Variants in E2F3 observed in about 807,000 individuals in gnomAD.
E2F3 encodes the protein E2F transcription factor 3.
Under a neutral mutation model 44.4 loss-of-function variants are expected in E2F3, and 11 were observed. That is an observed-to-expected ratio of 0.25 (90% CI 0.16 to 0.41). The LOEUF (loss-of-function observed/expected upper bound fraction) is 0.41, where lower values mean the gene tolerates loss of function less well. Among genes scored for constraint, E2F3 ranks in the 10% least tolerant of loss-of-function variants. The pLI is 1.00. For synonymous variants in E2F3, 249 were observed against 253.0 expected (o/e 0.98, Z 0.15); for missense variants, 487 against 583.6 (o/e 0.83, Z 1.70).
chr6:20,445,990 A>G (rs1156297525), intron 1 of E2F3, among the ~76,000 whole-genome samples: 1 of 152,168 alleles, frequency 6.6e-6, no homozygotes, highest in Non-Finnish European at 1.5e-5. Flanking sequence ...AGCCAGAGTC[A>G]CTCAGACTGG....
chr6:20,490,540 A>G lies in E2F3; in HGVS notation c.*110A>G. On this transcript the variant is annotated 3_prime_UTR_variant, in exon 7 of 7. Coordinates refer to ENST00000346618, the MANE Select transcript of E2F3 (RefSeq NM_001949.5). This position sits in a 1 kb window ranked among gnomAD's most constrained non-coding sequence, Gnocchi z 4.3. The stretch of plus-strand genomic sequence containing the variant: ...TACCTTCTTCCTCCAAGAGAGTATC[A>G]TGAAGTAAACTACAAACTTCAGAAG... 1 of 1,138,912 alleles carries G rather than the reference A, an allele frequency of 8.8e-7. No individual in the cohort carries two copies. The highest frequency in any genetic ancestry group is 2.3e-5 in the South Asian group (1 of 44,174). 70.6% of individuals were successfully genotyped at this position (1,138,912 alleles called of 1,614,324 possible). A position where few individuals can be genotyped will look rare whatever the true frequency, so the allele number is the denominator to read the frequency against.
chr6:20,424,310 T>C (rs1760134069), intron 1 of E2F3, among the ~76,000 whole-genome samples: 1 of 148,410 alleles, frequency 6.7e-6, no homozygotes, highest in African/African-American at 2.5e-5. Flanking sequence ...TGCCATTTAT[T>C]GGATGGTTCC....
At chr6:20,428,851 T>C (rs911338384) in intron 1 of E2F3, among the ~76,000 whole-genome samples, 2 of 152,194 alleles carry the variant, frequency 1.3e-5, no homozygotes, top group Non-Finnish European at 2.9e-5. Context: ...TTCCCCCTTT[T>C]GTTATTCTAA....
At chr6:20,444,573 T>G (rs1581607654) in intron 1 of E2F3, among the ~76,000 whole-genome samples, 1 of 152,172 alleles carries the variant, frequency 6.6e-6, no homozygotes, top group Non-Finnish European at 1.5e-5. Context: ...CTGTTTCTCT[T>G]TATTCCATTG....
At position 20,461,816 on chromosome 6, in the gene E2F3, A is replaced by G. The variant is rs148007798; in HGVS notation, c.394-18030A>G. On this transcript the variant is annotated intron_variant, in intron 1 of 6. Transcript: ENST00000346618. ...CAAGAGTTTATGGTGCATATTGAGAAGTTGATGGTTTTCACTAAATATTGA... is the reference window on the plus strand; with the variant it reads ...CAAGAGTTTATGGTGCATATTGAGAGGTTGATGGTTTTCACTAAATATTGA... Among the ~76,000 whole-genome samples, 197 of 152,286 alleles carry G rather than the reference A, an allele frequency of 1.3e-3. 3 individuals are homozygous for G. In the South Asian group the frequency reaches 0.025, roughly 19 times the overall value.
intron 1 of E2F3, chr6:20,403,849 GCTCGGGGGCCGCCGACGC>G: frequency 6.9e-7 from 1 of 1,447,256 alleles, no homozygotes. Context: ...GACCGGGACG[GCTCGGGGGCCGCCGACGC>G]CGCGGGGGCA....
At position 20,492,624 on chromosome 6, in the gene E2F3, G is replaced by A. The variant is rs1581667882; in HGVS notation, c.*2194G>A. On this transcript the variant is annotated 3_prime_UTR_variant, in exon 7 of 7. Coordinates refer to ENST00000346618, the MANE Select transcript of E2F3 (RefSeq NM_001949.5). Reference sequence around the variant, plus strand: ...TGATTTTTTCCAAAGTCTAAAGACTGAGCTCACCTGGCTAGATTGTTGTGT... The same window carrying A: ...TGATTTTTTCCAAAGTCTAAAGACTAAGCTCACCTGGCTAGATTGTTGTGT... The A allele has an allele frequency of 4.3e-6, 1 of 232,292 alleles. No individual in the cohort carries two copies. Among genetic ancestry groups the A allele is most frequent in the East Asian group, 6.1e-5 (1 of 16,500 alleles). The allele number at this position is 232,292 out of a possible 1,614,324, so 14.4% of individuals were successfully genotyped here.
At chr6:20,418,599 A>G (rs1201702616) in intron 1 of E2F3, among the ~76,000 whole-genome samples, 1 of 152,252 alleles carries the variant, frequency 6.6e-6, no homozygotes, top group Non-Finnish European at 1.5e-5. Flanking sequence ...TATAACTGCC[A>G]AGTGGACAGT....
At chr6:20,462,360 A>G (rs924489202) in intron 1 of E2F3, among the ~76,000 whole-genome samples, 2 of 151,832 alleles carry the variant, frequency 1.3e-5, no homozygotes, top group Admixed American at 6.6e-5. Flanking sequence ...TTTGTAATAT[A>G]TGACATCTTC....
At position 20,402,839 on chromosome 6, in the gene E2F3, C is replaced by T. The variant is rs1275537323; in HGVS notation, c.393+214C>T. Among the ~76,000 whole-genome samples the T allele has an allele frequency of 6.6e-6, 1 of 152,104 alleles. No homozygotes were observed. The highest frequency in any genetic ancestry group is 1.9e-4 in the East Asian group (1 of 5,162). ...GGGCTCGGCCAGGCGCGCGGGGCGG[C>T]GGGGATTGCCTTGGCGCGAACCACA... On this transcript the variant is annotated intron_variant, in intron 1 of 6. Transcript: ENST00000346618. The surrounding 1 kb of genome is among the most constrained non-coding windows in gnomAD (Gnocchi z 5.6).
chr6:20,403,602 AG>A (rs1316389864), intron 1 of E2F3: 3 of 460,346 alleles, frequency 6.5e-6, no homozygotes, highest in Non-Finnish European at 1.2e-5. Context: ...GGAGGGGGAG[AG>A]GGGGGCACCC....
intron 1 of E2F3, among the ~76,000 whole-genome samples, chr6:20,425,482 G>T (rs1348186409): frequency 1.3e-5 from 2 of 151,190 alleles, no homozygotes; most frequent in Non-Finnish European, 2.9e-5. Context: ...TCTGCCTCCT[G>T]GGTTCAACCG....
rs1343521164 is a variant in E2F3, at chr6:20,491,313, G to T, written c.*883G>T. ...TTTCAATTTAATTGTTTACTTTGAA[G>T]CGGTTTTTGCAAATTCATATTACTT... On this transcript the variant is annotated 3_prime_UTR_variant, in exon 7 of 7. Coordinates refer to ENST00000346618, the MANE Select transcript of E2F3 (RefSeq NM_001949.5). The T allele has an allele frequency of 4.4e-5, 10 of 229,570 alleles. No individual in the cohort carries two copies. The Admixed American group carries it at 4.5e-4, about 10-fold the overall frequency. 14.2% of individuals were successfully genotyped at this position (229,570 alleles called of 1,614,324 possible).
intron 1 of E2F3, among the ~76,000 whole-genome samples, chr6:20,445,514 C>T (rs1216003467): frequency 6.6e-6 from 1 of 152,068 alleles, no homozygotes; most frequent in Non-Finnish European, 1.5e-5. Context: ...CTAAGACATG[C>T]GTTTTTTCAT....
intron 1 of E2F3, among the ~76,000 whole-genome samples, chr6:20,445,618 A>G (rs1465374403): frequency 2.0e-5 from 3 of 152,202 alleles, no homozygotes; most frequent in Non-Finnish European, 4.4e-5. Flanking sequence ...GAACTGAGGA[A>G]TTCGTTTTGT....
chr6:20,457,382 T>C (rs2127604461), intron 1 of E2F3, among the ~76,000 whole-genome samples: 1 of 126,284 alleles, frequency 7.9e-6, no homozygotes, highest in South Asian at 2.7e-4. Flanking sequence ...AGAGATGGGG[T>C]TTCACCATGT....
In E2F3 at chr6:20,402,329, A is replaced by G. The variant is rs1759329205; in HGVS notation, c.97A>G (p.Met33Val). ...CGTCGCCGCCGCCGCTGCAGCCTCC[A>G]TGGACAAAAGGGCACTGCTAGCCAG... ...AVVAAAAAAS[M>V]DKRALLASPG... The change falls in exon 1 of 7, where the codon ATG becomes GTG. Residue 33 changes from methionine (M) to valine (V), a missense_variant. By Grantham distance (21) the Met-to-Val change is conservative. This residue lies in a region of E2F3 where 238 missense variants were observed against 236.0 expected (regional missense o/e 1.01). Coordinates refer to ENST00000346618, the MANE Select transcript of E2F3 (RefSeq NM_001949.5). This position sits in a 1 kb window ranked among gnomAD's most constrained non-coding sequence, Gnocchi z 5.6. 6.2e-7 allele frequency: 1 copy of G among 1,609,992 alleles called. No individual in the cohort carries two copies. The highest frequency in any genetic ancestry group is 1.1e-5 in the South Asian group (1 of 90,912).
intron 4 of E2F3, among the ~76,000 whole-genome samples, chr6:20,485,964 AT>A (rs968428804): frequency 4.6e-5 from 7 of 151,306 alleles, no homozygotes; most frequent in African/African-American, 4.9e-5. Flanking sequence ...TAGAGATTAC[AT>A]TTTTTTTTCC....
chr6:20,446,126 G>A (rs1347151871), intron 1 of E2F3, among the ~76,000 whole-genome samples: 4 of 152,190 alleles, frequency 2.6e-5, no homozygotes, highest in African/African-American at 4.8e-5. Context: ...AGTGGCCATG[G>A]CCAGGAATCC....
Sources: allele counts gnomAD v4.1 joint callset (sites outside exome capture counted in the v4.1 genomes callset), GRCh38; gene constraint gnomAD v4.1.1; regional missense constraint gnomAD v4.1.1; non-coding constraint Gnocchi (gnomAD v3.1); transcripts MANE v1.5; gene names NCBI Gene and HGNC (gene_info 2026-07-23, HGNC 2026-07-21).